Variants in NLN observed in about 807,000 individuals in gnomAD.
NLN encodes the protein neurolysin, mitochondrial.
NLN carries 64 observed loss-of-function variants against 79.9 expected under a neutral mutation model. The ratio of observed to expected loss-of-function variants is 0.80; its 90% CI spans 0.65 to 0.99. NLN has a LOEUF of 0.99. Among genes scored for constraint, NLN ranks in the 50% least tolerant of loss-of-function variants. The probability of loss-of-function intolerance (pLI) is 0.00; values close to 1 mark genes in which losing one functional copy is unlikely to be tolerated. For missense variants in NLN, 835 were observed against 858.7 expected (o/e 0.97, Z 0.34); for synonymous variants, 267 against 296.6 (o/e 0.90, Z 1.02).
At chr5:65,740,851 A>G (rs1758851995) in intron 1 of NLN, 1 of 158,182 alleles carries the variant, frequency 6.3e-6, no homozygotes, top group African/African-American at 2.5e-5. Context: ...TATTATATAT[A>G]TATAATATAT....
Position 65,724,777 on chromosome 5 carries a change from A to C in NLN, c.41+2363A>C, listed in dbSNP as rs532227724. On this transcript the variant is annotated intron_variant, in intron 1 of 12. Coordinates refer to ENST00000380985, the MANE Select transcript of NLN (RefSeq NM_020726.5). ...TCCTGGTTTTGATAACAGTTATCCT[A>C]GGAGTGGCATTGTTTCTTTTTTTTT... is the stretch of plus-strand genomic sequence containing the variant. Among the ~76,000 whole-genome samples, 38 of 150,456 alleles carry C rather than the reference A, an allele frequency of 2.5e-4. 1 individual carries two copies. The South Asian group carries it at 8.0e-3, about 32-fold the overall frequency.
intron 1 of NLN, among the ~76,000 whole-genome samples, chr5:65,726,701 C>T (rs1195771538): frequency 6.6e-6 from 1 of 152,132 alleles, no homozygotes; most frequent in Non-Finnish European, 1.5e-5. Flanking sequence ...TTAGAAGCTA[C>T]CATAAATATA....
intron 1 of NLN, among the ~76,000 whole-genome samples, chr5:65,751,299 A>G (rs568912048): frequency 1.6e-4 from 25 of 152,370 alleles, no homozygotes; most frequent in African/African-American, 6.0e-4. Context: ...TAGTTTCACT[A>G]TAGCCCTGGC....
intron 12 of NLN, among the ~76,000 whole-genome samples, chr5:65,821,621 C>T (rs1364367541): frequency 6.6e-6 from 1 of 152,124 alleles, no homozygotes; most frequent in Non-Finnish European, 1.5e-5. Context: ...TATTATGTTT[C>T]TGTTGGACAG....
At chr5:65,800,574 C>T (rs1017854214) in intron 9 of NLN, among the ~76,000 whole-genome samples, 5 of 152,258 alleles carry the variant, frequency 3.3e-5, no homozygotes, top group African/African-American at 1.2e-4. Context: ...ACTCGGGAGG[C>T]AGGAGAATGG....
chr5:65,781,709 T>C lies in NLN; in HGVS notation c.822+288T>C, dbSNP rs575288041. 2.0e-3 allele frequency among the ~76,000 whole-genome samples: 301 copies of C among 152,334 alleles called. 3 individuals are homozygous for C. Among genetic ancestry groups the C allele is most frequent in the African/African-American group, 7.2e-3 (298 of 41,580 alleles). ...AATCCAGCACTGGTAAGTCCTGCTT[T>C]AATATGAAAAAGAAAAAAGGAAGAA... On this transcript the variant is annotated intron_variant, in intron 6 of 12. Transcript: ENST00000380985.
At chr5:65,732,391 A>G (rs1398563413) in intron 1 of NLN, among the ~76,000 whole-genome samples, 1 of 139,606 alleles carries the variant, frequency 7.2e-6, no homozygotes, top group Non-Finnish European at 1.6e-5. Flanking sequence ...GTTTGAAGTT[A>G]ATATGATGAA....
intron 1 of NLN, among the ~76,000 whole-genome samples, chr5:65,743,904 A>C (rs533077583): frequency 8.5e-5 from 13 of 152,216 alleles, no homozygotes; most frequent in Non-Finnish European, 1.5e-5. Context: ...TACCCACCTT[A>C]CCTCATAGAG....
intron 9 of NLN, among the ~76,000 whole-genome samples, chr5:65,797,403 C>T (rs982231965): frequency 6.6e-6 from 1 of 152,162 alleles, no homozygotes; most frequent in Non-Finnish European, 1.5e-5. Context: ...ATAAATAAAG[C>T]AGCTTGTCTG....
chr5:65,814,085 T>A (rs755819326), intron 12 of NLN, among the ~76,000 whole-genome samples: 5 of 152,168 alleles, frequency 3.3e-5, no homozygotes, highest in South Asian at 2.1e-4. Context: ...AACTTGCTAC[T>A]GACTCTGATA....
intron 6 of NLN, among the ~76,000 whole-genome samples, chr5:65,784,120 G>A (rs535713814): frequency 9.9e-5 from 15 of 152,282 alleles, no homozygotes; most frequent in Admixed American, 5.9e-4. Context: ...ACCAAATTTT[G>A]AATGCAGGTA....
chr5:65,787,398 G>A (rs1226211274), intron 7 of NLN, among the ~76,000 whole-genome samples: 1 of 152,082 alleles, frequency 6.6e-6, no homozygotes, highest in African/African-American at 2.4e-5. Flanking sequence ...TCCTCGGGCT[G>A]CTCCTCCATC....
At chr5:65,745,511 G>C (rs1446644081) in intron 1 of NLN, among the ~76,000 whole-genome samples, 1 of 152,200 alleles carries the variant, frequency 6.6e-6, no homozygotes, top group Non-Finnish European at 1.5e-5. Context: ...CTACTTCTCT[G>C]TAGCCAGTAA....
intron 1 of NLN, among the ~76,000 whole-genome samples, chr5:65,756,633 T>C (rs565625283): frequency 2.6e-5 from 4 of 152,212 alleles, no homozygotes; most frequent in East Asian, 1.9e-4. Context: ...CAGAATAAGA[T>C]TGGATGTTTG....
intron 8 of NLN, among the ~76,000 whole-genome samples, chr5:65,792,200 A>G (rs947803273): frequency 1.3e-5 from 2 of 152,232 alleles, no homozygotes; most frequent in East Asian, 1.9e-4. Flanking sequence ...TCGGTGTGAC[A>G]TGCATTCTTC....
At chr5:65,805,623 G>A (rs147510901) in intron 9 of NLN, among the ~76,000 whole-genome samples, 54 of 152,346 alleles carry the variant, frequency 3.5e-4, no homozygotes, top group African/African-American at 1.2e-3. Context: ...GCAGAGGTTG[G>A]TTCATGAGTT....
rs1760858979 is a variant in NLN at position 65,823,937 on chromosome 5, T to G, written c.*1022T>G. 1 of 152,182 alleles carries G rather than the reference T, an allele frequency of 6.6e-6. No homozygotes were observed. Among genetic ancestry groups the G allele is most frequent in the Non-Finnish European group, 1.5e-5 (1 of 68,040 alleles). 9.4% of individuals were successfully genotyped at this position (152,182 alleles called of 1,614,324 possible). On this transcript the variant is annotated 3_prime_UTR_variant, in exon 13 of 13. Coordinates refer to ENST00000380985, the MANE Select transcript of NLN (RefSeq NM_020726.5). ...TGAGGACAGCTGCTCCAAAGCCTTA[T>G]GTGTATGATGAAACTTAACCACGGG... is the stretch of plus-strand genomic sequence containing the variant.
chr5:65,787,095 G>A (rs1262392551), intron 7 of NLN, among the ~76,000 whole-genome samples: 1 of 152,034 alleles, frequency 6.6e-6, no homozygotes, highest in Non-Finnish European at 1.5e-5. Flanking sequence ...ATTTAAAGGA[G>A]TTTTCCTTCT....
intron 3 of NLN, among the ~76,000 whole-genome samples, chr5:65,768,383 A>T (rs1181180323): frequency 1.3e-5 from 2 of 152,132 alleles, no homozygotes; most frequent in Non-Finnish European, 2.9e-5. Context: ...ACACTTATAA[A>T]ACAACCAGAT....
Sources: gnomAD v4.1 joint callset for allele counts (sites outside exome capture counted in the v4.1 genomes callset) on GRCh38, gnomAD v4.1.1 for gene constraint, MANE v1.5 for transcripts, NCBI Gene and HGNC (gene_info 2026-07-23, HGNC 2026-07-21) for gene names.